The following CSMD3 variants were observed in gnomAD, a reference collection of about 807,000 sequenced individuals.
CSMD3 encodes CUB and Sushi multiple domains 3.
In CSMD3, 177 loss-of-function variants were observed where a neutral mutation model predicts 435.2. The ratio of observed to expected loss-of-function variants is 0.41; its 90% CI spans 0.36 to 0.46. The LOEUF is 0.46. Among genes scored for constraint, CSMD3 ranks in the 20% least tolerant of loss-of-function variants. CSMD3 has a pLI of 0.34. For missense variants in CSMD3, 4,265 were observed against 4,504.6 expected, an observed-to-expected ratio of 0.95 and a Z score of 1.52; for synonymous variants, 1,656 against 1,520.5, an observed-to-expected ratio of 1.09 and a Z score of -2.07.
chr8:113,327,013 T>C (rs1291158662), intron 1 of CSMD3, among the ~76,000 whole-genome samples: 1 of 152,224 alleles, frequency 6.6e-6, no homozygotes, highest in Non-Finnish European at 1.5e-5. Flanking sequence ...TAATGAATTA[T>C]GTCAAACATA....
At chr8:112,654,337 A>T (rs2131649443) in intron 18 of CSMD3, among the ~76,000 whole-genome samples, 1 of 152,338 alleles carries the variant, frequency 6.6e-6, no homozygotes, top group African/African-American at 2.4e-5. Context: ...AGGATTTATG[A>T]TGTTGGAGAT....
chr8:112,806,576 G>C (rs2079092496), intron 12 of CSMD3, among the ~76,000 whole-genome samples: 1 of 152,148 alleles, frequency 6.6e-6, no homozygotes, highest in African/African-American at 2.4e-5. Flanking sequence ...GTGCTTAGGA[G>C]ATGCAATATC....
intron 4 of CSMD3, among the ~76,000 whole-genome samples, chr8:113,125,971 C>T (rs1212374197): frequency 4.6e-5 from 7 of 151,806 alleles, no homozygotes; most frequent in South Asian, 4.1e-4. Flanking sequence ...GATAGGTATG[C>T]ATGAAAAATA....
intron 3 of CSMD3, among the ~76,000 whole-genome samples, chr8:113,264,875 A>G (rs1430313113): frequency 6.6e-6 from 1 of 151,668 alleles, no homozygotes; most frequent in East Asian, 1.9e-4. Flanking sequence ...AGATGTATTA[A>G]ACCATTCCTC....
Position 112,255,234 on chromosome 8 carries a change from C to T in CSMD3, c.10036+20G>A, listed in dbSNP as rs571446503. 5 of 1,593,748 alleles carry T rather than the reference C, an allele frequency of 3.1e-6. No homozygotes were observed. In the East Asian group the frequency reaches 8.9e-5, roughly 28 times the overall value. On this transcript the variant is annotated intron_variant, in intron 62 of 70. Coordinates refer to ENST00000297405, the MANE Select transcript of CSMD3 (RefSeq NM_198123.2). Reference sequence around the variant, plus strand: ...TAATTACACAGTTACTGTGCATAATCAGCCTTTAATTAATATTACCTATGC... The same window carrying T: ...TAATTACACAGTTACTGTGCATAATTAGCCTTTAATTAATATTACCTATGC...
chr8:113,190,509 T>C (rs1175509544), intron 3 of CSMD3, among the ~76,000 whole-genome samples: 1 of 151,894 alleles, frequency 6.6e-6, no homozygotes. Context: ...AAGACTGAGA[T>C]GAAATGAAAA....
chr8:113,047,348 G>A (rs1202108419), intron 5 of CSMD3, among the ~76,000 whole-genome samples: 2 of 152,204 alleles, frequency 1.3e-5, no homozygotes, highest in African/African-American at 4.8e-5. Flanking sequence ...CTGGCACAGA[G>A]AATGTGACTA....
chr8:112,479,280 T>C (rs182148169), intron 31 of CSMD3, among the ~76,000 whole-genome samples: 24 of 152,250 alleles, frequency 1.6e-4, no homozygotes, highest in Admixed American at 1.6e-3. Context: ...TTGGAGCTTA[T>C]ATTTAGAAGG....
chr8:113,039,284 G>A (rs1039359610), intron 5 of CSMD3, among the ~76,000 whole-genome samples: 4 of 151,912 alleles, frequency 2.6e-5, no homozygotes, highest in South Asian at 2.1e-4. Flanking sequence ...TATATCTATG[G>A]TTAGAATCTT....
intron 24 of CSMD3, among the ~76,000 whole-genome samples, chr8:112,558,696 T>C (rs1828349886): frequency 1.3e-5 from 2 of 151,976 alleles, no homozygotes; most frequent in Admixed American, 6.6e-5. Flanking sequence ...AACATACATA[T>C]ATGGCGTCAG....
At chr8:113,019,571 ATT>A (rs1297056022) in intron 5 of CSMD3, among the ~76,000 whole-genome samples, 7 of 149,002 alleles carry the variant, frequency 4.7e-5, no homozygotes, top group African/African-American at 1.7e-4. Context: ...TATTATATAT[ATT>A]GTATTCTTAT....
chr8:112,712,124 C>T (rs1247399725), intron 13 of CSMD3, among the ~76,000 whole-genome samples: 2 of 152,070 alleles, frequency 1.3e-5, no homozygotes, highest in African/African-American at 4.8e-5. Context: ...TACTATTGAC[C>T]TCTCCTCCAG....
intron 18 of CSMD3, among the ~76,000 whole-genome samples, chr8:112,653,666 T>G (rs1017014184): frequency 6.6e-6 from 1 of 150,578 alleles, no homozygotes; most frequent in Non-Finnish European, 1.5e-5. Context: ...TTATCTTTTT[T>G]TTTTTTTTTT....
intron 3 of CSMD3, among the ~76,000 whole-genome samples, chr8:113,218,623 GA>G (rs1475230324): frequency 6.6e-6 from 1 of 151,064 alleles, no homozygotes; most frequent in African/African-American, 2.4e-5. Flanking sequence ...AAAAACATTT[GA>G]CAAGTACTAA....
At chr8:112,995,667 G>A (rs2085623338) in intron 6 of CSMD3, among the ~76,000 whole-genome samples, 1 of 151,260 alleles carries the variant, frequency 6.6e-6, no homozygotes, top group African/African-American at 2.4e-5. Context: ...ATTTAAGGAC[G>A]ATGGAAGCAA....
intron 64 of CSMD3, among the ~76,000 whole-genome samples, chr8:112,245,489 C>A (rs371120979): frequency 6.6e-6 from 1 of 151,994 alleles, no homozygotes; most frequent in African/African-American, 2.4e-5. Context: ...TAATAGCTAA[C>A]ATTTTTTTAC....
chr8:112,511,002 A>G (rs2130953624), intron 28 of CSMD3, among the ~76,000 whole-genome samples: 1 of 152,328 alleles, frequency 6.6e-6, no homozygotes, highest in South Asian at 2.1e-4. Context: ...TGAAAATAAT[A>G]TGTGAATATG....
At chr8:112,313,212 T>C (rs1248465257) in intron 49 of CSMD3, among the ~76,000 whole-genome samples, 1 of 152,096 alleles carries the variant, frequency 6.6e-6, no homozygotes, top group South Asian at 2.1e-4. Flanking sequence ...AATAGAAAAA[T>C]CTATGTCATC....
intron 3 of CSMD3, among the ~76,000 whole-genome samples, chr8:113,211,515 C>T (rs1356668957): frequency 6.6e-6 from 1 of 152,030 alleles, no homozygotes; most frequent in East Asian, 1.9e-4. Context: ...CATGGTGAAA[C>T]CCTGTCTATT....
Sources: allele counts gnomAD v4.1 joint callset (sites outside exome capture counted in the v4.1 genomes callset), GRCh38; gene constraint gnomAD v4.1.1; transcripts MANE v1.5; gene names NCBI Gene and HGNC (gene_info 2026-07-23, HGNC 2026-07-21).